The following SMCR8 variants were observed in gnomAD, a reference collection of about 807,000 sequenced individuals.
The protein encoded by SMCR8 is SMCR8-C9orf72 complex subunit.
A neutral mutation model predicts 56.6 loss-of-function variants in SMCR8; 30 were observed. The observed-to-expected ratio is 0.53, with a 90% CI of 0.40 to 0.72. The LOEUF (loss-of-function observed/expected upper bound fraction) is 0.72, where lower values mean the gene tolerates loss of function less well. Ranked by LOEUF, SMCR8 falls within the 30% of genes least tolerant of loss-of-function variation. The pLI is 0.00. For missense variants in SMCR8, 1,198 were observed against 1,157.0 expected, an observed-to-expected ratio of 1.04 and a Z score of -0.51; for synonymous variants, 538 against 456.0, an observed-to-expected ratio of 1.18 and a Z score of -2.29.
intron 1 of SMCR8, among the ~76,000 whole-genome samples, chr17:18,321,067 G>A (rs150037562): frequency 1.6e-4 from 24 of 152,346 alleles, no homozygotes; most frequent in Middle Eastern, 6.8e-3. Flanking sequence ...CCAGGTCAAT[G>A]TTGGGATGTT....
rs555023042 is a variant in SMCR8 at position 18,327,355 on chromosome 17, G to A, written c.*4285G>A. 6.6e-6 allele frequency: 1 copy of A among 152,418 alleles called. No individual in the cohort carries two copies. The highest frequency in any genetic ancestry group is 2.1e-4 in the South Asian group (1 of 4,830). The allele number at this position is 152,418 out of a possible 1,614,324, so 9.4% of individuals were successfully genotyped here. On this transcript the variant is annotated 3_prime_UTR_variant, in exon 2 of 2. Coordinates refer to ENST00000406438, the MANE Select transcript of SMCR8 (RefSeq NM_144775.3). ...GTGCTTATTCAGCCCAAGAGTGGAG[G>A]CTGTTTACAGCGAGCCCTGGAGATG...
rs749837685 is a variant in SMCR8, at chr17:18,317,800, T to C, written c.2011T>C (p.Tyr671His). ...RDISKTSLDN[Y>H]SDTTSYVSSV... ...CATCAGTAAGACCAGCCTGGACAAC[T>C]ACTCAGACACCACCAGCTACGTGAG... is the stretch of plus-strand genomic sequence containing the variant. The change falls in exon 1 of 2, where the codon TAC (tyrosine) becomes CAC (histidine). Residue 671 changes from tyrosine (Y) to histidine (H), a missense_variant. Tyr to His is a moderately conservative substitution (Grantham distance 83, BLOSUM62 2). Transcript: ENST00000406438. 8 of 1,614,098 alleles carry C rather than the reference T, an allele frequency of 5.0e-6. No individual in the cohort carries two copies. The highest frequency in any genetic ancestry group is 1.7e-5 in the Admixed American group (1 of 60,016).
chr17:18,318,298 G>A (rs998411746), intron 1 of SMCR8, 149 bp downstream of exon 1: 5 of 765,992 alleles, frequency 6.5e-6, no homozygotes, highest in Non-Finnish European at 1.0e-5. Flanking sequence ...CCCCTCTCTG[G>A]TTTCTATTTC....
At position 18,317,608 on chromosome 17, in the gene SMCR8, G is replaced by A. The variant is rs1271386283; in HGVS notation, c.1819G>A (p.Asp607Asn). The change falls in exon 1 of 2, where the codon GAC (aspartate) becomes AAC (asparagine). Residue 607 changes from aspartate to asparagine, a missense_variant. Transcript: ENST00000406438. The part of the protein sequence containing the change: ...LPSTPAHTHS[D>N]EDGVVSSPPQ... ...CTCCACTCCAGCCCACACACACTCTGACGAGGATGGGGTGGTGAGCAGCCC... is the reference window on the plus strand; with the variant it reads ...CTCCACTCCAGCCCACACACACTCTAACGAGGATGGGGTGGTGAGCAGCCC... 5.6e-6 allele frequency: 9 copies of A among 1,614,068 alleles called. No individual in the cohort carries two copies. In the Admixed American group the frequency reaches 1.0e-4, roughly 18 times the overall value.
At position 18,315,719 on chromosome 17, in the gene SMCR8, C is replaced by A; in HGVS notation, c.-71C>A. On this transcript the variant is annotated 5_prime_UTR_variant, in exon 1 of 2. Coordinates refer to ENST00000406438, the MANE Select transcript of SMCR8 (RefSeq NM_144775.3). ...CTTCACTTCCTTCTCCGGAGGCCTG[C>A]CTTCTGCGCGTCGATTAACACCGCA... The A allele has an allele frequency of 7.0e-7, 1 of 1,421,408 alleles. No individual in the cohort carries two copies. Among genetic ancestry groups the A allele is most frequent in the Non-Finnish European group, 9.5e-7 (1 of 1,049,930 alleles). The allele number at this position is 1,421,408 out of a possible 1,614,324, so 88.0% of individuals were successfully genotyped here.
At position 18,318,072 on chromosome 17, in the gene SMCR8, T is replaced by G; in HGVS notation, c.2283T>G (p.Ala761=). 2 of 1,614,240 alleles carry G rather than the reference T, an allele frequency of 1.2e-6. No homozygotes were observed. Among genetic ancestry groups the G allele is most frequent in the East Asian group, 2.2e-5 (1 of 44,890 alleles). The change falls in exon 1 of 2, where the codon GCT becomes GCG. Residue 761 remains alanine, a synonymous_variant. Transcript: ENST00000406438. ...TTGTCCCCAGCTATGGCTGCTACGC[T>G]AAGCCCGTGAAACATTGGGCCTCCT... ...AIFVPSYGCY[A]KPVKHWASSP...
chr17:18,322,199 G>C (rs1982518679), intron 1 of SMCR8, among the ~76,000 whole-genome samples: 2 of 152,108 alleles, frequency 1.3e-5, no homozygotes, highest in Non-Finnish European at 2.9e-5. Flanking sequence ...TTTTAGTAGA[G>C]ACAGGGTTTC....
At position 18,315,834 on chromosome 17, in the gene SMCR8, G is replaced by A; in HGVS notation, c.45G>A (p.Glu15=). 4 of 1,610,918 alleles carry A rather than the reference G, an allele frequency of 2.5e-6. No individual in the cohort carries two copies. Among genetic ancestry groups the A allele is most frequent in the South Asian group, 1.1e-5 (1 of 91,036 alleles). Residue 15 remains glutamate (E), a synonymous_variant, in exon 1 of 2, where the codon GAG becomes GAA. Coordinates refer to ENST00000406438, the MANE Select transcript of SMCR8 (RefSeq NM_144775.3). ...TAGTGGCCTTCACCAAAGAGGAAGAGTATGAAGAAGAGCCTTACAATGAGC... is the reference window on the plus strand; with the variant it reads ...TAGTGGCCTTCACCAAAGAGGAAGAATATGAAGAAGAGCCTTACAATGAGC... ...PDVVAFTKEE[E]YEEEPYNEPA... is the part of the protein sequence containing the mutation.
chr17:18,320,134 G>A (rs4925170), intron 1 of SMCR8, among the ~76,000 whole-genome samples: 8,567 of 152,306 alleles, frequency 0.056, 663 homozygotes, highest in African/African-American at 0.17. Flanking sequence ...GCCCTGGGTT[G>A]AGTCCTGGCT....
chr17:18,319,415 A>T (rs1982431893), intron 1 of SMCR8, among the ~76,000 whole-genome samples: 2 of 151,954 alleles, frequency 1.3e-5, no homozygotes, highest in South Asian at 4.2e-4. Context: ...CAGCTTTAAA[A>T]ATCACGAGCA....
At position 18,316,710 on chromosome 17, in the gene SMCR8, C is replaced by T. The variant is rs1264902166; in HGVS notation, c.921C>T (p.Ile307=). 1.9e-6 allele frequency: 3 copies of T among 1,614,192 alleles called. No individual in the cohort carries two copies. The highest frequency in any genetic ancestry group is 1.7e-5 in the Admixed American group (1 of 60,024). Residue 307 remains isoleucine (I), a synonymous_variant, in exon 1 of 2, where the codon ATC becomes ATT. Transcript: ENST00000406438. ...GACCAGCCTACACCCCAAAACTTAT[C>T]AAAGCAAAGTCCACCAAGTGTTTTG... is the stretch of plus-strand genomic sequence containing the variant. ...TCRPAYTPKL[I]KAKSTKCFDK... is the part of the protein sequence containing the mutation.
chr17:18,316,444 G>A lies in SMCR8; in HGVS notation c.655G>A (p.Ala219Thr), dbSNP rs1415969189. ...LHTETEIQKK[A>T]NDKGFYSSQA... The stretch of plus-strand genomic sequence containing the variant: ...CACAGAAACGGAGATCCAGAAGAAA[G>A]CCAACGACAAAGGCTTTTACTCATC... Residue 219 changes from alanine to threonine, a missense_variant, in exon 1 of 2, where the codon GCC (alanine) becomes ACC (threonine). By Grantham distance (58) the Ala-to-Thr change is moderately conservative. Coordinates refer to ENST00000406438, the MANE Select transcript of SMCR8 (RefSeq NM_144775.3). 6.2e-7 allele frequency: 1 copy of A among 1,614,114 alleles called. No individual in the cohort carries two copies. Among genetic ancestry groups the A allele is most frequent in the South Asian group, 1.1e-5 (1 of 91,086 alleles).
At position 18,319,190 on chromosome 17, in the gene SMCR8, G is replaced by A. The variant is rs551844785; in HGVS notation, c.2360+1041G>A. The stretch of plus-strand genomic sequence containing the variant: ...GTCAAGTCCTGGTGTGCCACCACTC[G>A]CTGTCTGGATTCGGACCAACCATCT... On this transcript the variant is annotated intron_variant, in intron 1 of 1. Coordinates refer to ENST00000406438, the MANE Select transcript of SMCR8 (RefSeq NM_144775.3). Among the ~76,000 whole-genome samples, 39 of 152,304 alleles carry A rather than the reference G, an allele frequency of 2.6e-4. No homozygotes were observed. In the South Asian group the frequency reaches 3.3e-3, roughly 13 times the overall value.
In SMCR8 at chr17:18,315,487, G is replaced by A. The variant is rs139090902; in HGVS notation, c.-303G>A. The A allele has an allele frequency of 3.7e-3, 1,274 of 342,466 alleles. 4 individuals carry two copies. Among genetic ancestry groups the A allele is most frequent in the Admixed American group, 8.0e-3 (177 of 22,220 alleles). The allele number at this position is 342,466 out of a possible 1,614,324, so 21.2% of individuals were successfully genotyped here. On this transcript the variant is annotated 5_prime_UTR_variant, in exon 1 of 2. Coordinates refer to ENST00000406438, the MANE Select transcript of SMCR8 (RefSeq NM_144775.3). ...GCAGTGGGTTCCGGAGAGTGCAGGT[G>A]ATTTCGCAGCAGGTTTCTTGTGCTG... is the stretch of plus-strand genomic sequence containing the variant.
chr17:18,316,831 G>C lies in SMCR8; in HGVS notation c.1042G>C (p.Asp348His). 2 of 1,614,186 alleles carry C rather than the reference G, an allele frequency of 1.2e-6. No individual in the cohort carries two copies. Among genetic ancestry groups the C allele is most frequent in the East Asian group, 2.2e-5 (1 of 44,890 alleles). ...LSHIEHMFRG[D>H]LCYLLTSQID... ...CCACATTGAACACATGTTCAGAGGAGACCTGTGTTACCTCCTGACCAGTCA... is the reference window on the plus strand; with the variant it reads ...CCACATTGAACACATGTTCAGAGGACACCTGTGTTACCTCCTGACCAGTCA... The change falls in exon 1 of 2, where the codon GAC becomes CAC. Residue 348 changes from aspartate to histidine, a missense_variant. Coordinates refer to ENST00000406438, the MANE Select transcript of SMCR8 (RefSeq NM_144775.3).
At chr17:18,318,369 G>T (rs1256647268) in intron 1 of SMCR8, among the ~76,000 whole-genome samples, 1 of 152,094 alleles carries the variant, frequency 6.6e-6, no homozygotes, top group Non-Finnish European at 1.5e-5. Context: ...ATCTGTCCCC[G>T]AGCTGTGTCA....
In SMCR8 at chr17:18,317,474, G is replaced by A. The variant is rs1370541123; in HGVS notation, c.1685G>A (p.Ser562Asn). The A allele has an allele frequency of 6.2e-7, 1 of 1,614,006 alleles. No individual in the cohort carries two copies. The highest frequency in any genetic ancestry group is 1.3e-5 in the African/African-American group (1 of 74,928). Residue 562 changes from serine to asparagine, a missense_variant, in exon 1 of 2, where the codon AGT becomes AAT. Physicochemically the swap from Ser to Asn is conservative, Grantham distance 46. Coordinates refer to ENST00000406438, the MANE Select transcript of SMCR8 (RefSeq NM_144775.3). ...GCCATCCGCTTCCAGGCAAGCATCAGTCCTCCAGAACTGGGTGAGACAGAG... is the reference window on the plus strand; with the variant it reads ...GCCATCCGCTTCCAGGCAAGCATCAATCCTCCAGAACTGGGTGAGACAGAG... ...EGAIRFQASI[S>N]PPELGETEEG...
chr17:18,318,060 T>C lies in SMCR8; in HGVS notation c.2271T>C (p.Tyr757=). ...CACTGGCTATCTTTGTCCCCAGCTA[T>C]GGCTGCTACGCTAAGCCCGTGAAAC... ...VTALAIFVPS[Y]GCYAKPVKHW... is the part of the protein sequence containing the mutation. The change falls in exon 1 of 2, where the codon TAT becomes TAC. Residue 757 remains tyrosine, a synonymous_variant. Transcript: ENST00000406438. The C allele has an allele frequency of 6.2e-7, 1 of 1,614,276 alleles. No homozygotes were observed. Among genetic ancestry groups the C allele is most frequent in the Non-Finnish European group, 8.5e-7 (1 of 1,180,046 alleles).
chr17:18,321,447 G>A (rs1982494304), intron 1 of SMCR8, among the ~76,000 whole-genome samples: 2 of 152,206 alleles, frequency 1.3e-5, no homozygotes, highest in Admixed American at 6.5e-5. Context: ...TCAGTGCTAG[G>A]CTAAAAGTAG....
Sources: allele counts gnomAD v4.1 joint callset (sites outside exome capture counted in the v4.1 genomes callset), GRCh38; gene constraint gnomAD v4.1.1; transcripts MANE v1.5; gene names NCBI Gene and HGNC (gene_info 2026-07-23, HGNC 2026-07-21).